CPED1: variants seen among roughly 807,000 people sequenced by gnomAD.
CPED1 encodes cadherin-like and PC-esterase domain-containing protein 1.
CPED1 carries 114 observed loss-of-function variants against 128.2 expected under a neutral mutation model. The observed-to-expected ratio is 0.89, with a 90% confidence interval of 0.76 to 1.04. CPED1 has a LOEUF of 1.04. CPED1 is among the 50% of genes least tolerant of loss of function. The pLI is 0.00. For synonymous variants in CPED1, 462 were observed against 426.7 expected (o/e 1.08, Z -1.02); for missense variants, 1,211 against 1,207.1 (o/e 1.00, Z -0.05).
intron 14 of CPED1, among the ~76,000 whole-genome samples, chr7:121,139,755 A>T (rs942125760): frequency 2.0e-5 from 3 of 152,230 alleles, no homozygotes; most frequent in Admixed American, 2.0e-4. Context: ...AAGCAGGGGA[A>T]AAAACAACAG....
At chr7:121,004,048 G>A (rs1270428037) in intron 2 of CPED1, among the ~76,000 whole-genome samples, 4 of 152,198 alleles carry the variant, frequency 2.6e-5, no homozygotes, top group Non-Finnish European at 5.9e-5. Flanking sequence ...GGGTTTGCCA[G>A]GTATGTGCCT....
At chr7:121,185,333 C>G (rs942029028) in intron 16 of CPED1, among the ~76,000 whole-genome samples, 1 of 151,968 alleles carries the variant, frequency 6.6e-6, no homozygotes, top group Non-Finnish European at 1.5e-5. Flanking sequence ...AGTAAATATA[C>G]CTATATATTT....
chr7:121,291,733 A>G (rs1278716245), intron 22 of CPED1, among the ~76,000 whole-genome samples: 2 of 152,200 alleles, frequency 1.3e-5, no homozygotes, highest in Admixed American at 1.3e-4. Context: ...AGATACACTC[A>G]TGTCATCAGC....
chr7:120,991,445 A>G (rs938329370), intron 2 of CPED1, among the ~76,000 whole-genome samples: 14 of 152,212 alleles, frequency 9.2e-5, no homozygotes, highest in African/African-American at 3.4e-4. Context: ...TGTTAAAGTC[A>G]TTTCTTGTTA....
At chr7:121,106,239 C>A (rs549259267) in intron 7 of CPED1, among the ~76,000 whole-genome samples, 14 of 151,792 alleles carry the variant, frequency 9.2e-5, no homozygotes, top group Non-Finnish European at 1.3e-4. Context: ...GCATATTTTC[C>A]CTTCTGAACT....
chr7:121,266,443 C>T lies in CPED1; in HGVS notation c.2527C>T (p.Gln843Ter). ...TFENALEHLL[Q>*]RSRPLENTGQ... ...TGAAAATGCACTTGAACACCTCTTGCAAAGGTACAATGAAACTATAATGAA... is the reference window on the plus strand; with the variant it reads ...TGAAAATGCACTTGAACACCTCTTGTAAAGGTACAATGAAACTATAATGAA... The change falls in exon 19 of 23, where the codon CAA becomes TAA. Residue 843 changes from glutamine to a stop codon, truncating the protein, a stop_gained. Coordinates refer to ENST00000310396, the MANE Select transcript of CPED1 (RefSeq NM_024913.5). LOFTEE classifies it high-confidence loss of function. The T allele has an allele frequency of 6.2e-7, 1 of 1,609,024 alleles. No individual in the cohort carries two copies. The highest frequency in any genetic ancestry group is 8.5e-7 in the Non-Finnish European group (1 of 1,175,812).
rs530980600 is a variant in CPED1, at chr7:121,047,715, C to CTTTTTT, written c.540+730_540+735dup. ...TCTTCTTCTTCTTCTTCTTCTTCTT[C>CTTTTTT]TTTTTTTTTTTTTGAGACGTAATCT... On this transcript the variant is annotated intron_variant, in intron 4 of 22. Transcript: ENST00000310396. Among the ~76,000 whole-genome samples, 5 of 76,064 alleles carry CTTTTTT rather than the reference C, an allele frequency of 6.6e-5. 1 individual carries two copies. Among genetic ancestry groups the CTTTTTT allele is most frequent in the African/African-American group, 2.9e-4 (5 of 17,324 alleles). 49.9% of individuals were successfully genotyped at this position (76,064 alleles called of 152,430 possible).
rs140183112 is a variant in CPED1 at position 121,176,216 on chromosome 7, A to AAAAC, written c.2055+34075_2055+34076insAAAC. 3.0e-3 allele frequency among the ~76,000 whole-genome samples: 279 copies of AAAAC among 93,028 alleles called. 24 individuals are homozygous for AAAAC. Among genetic ancestry groups the AAAAC allele is most frequent in the African/African-American group, 0.011 (244 of 22,318 alleles). The allele number at this position is 93,028 out of a possible 152,430, so 61.0% of individuals were successfully genotyped here. On this transcript the variant is annotated intron_variant, in intron 16 of 22. Coordinates refer to ENST00000310396, the MANE Select transcript of CPED1 (RefSeq NM_024913.5). Reference sequence around the variant, plus strand: ...TGGAAAAAAAAAAAAAAAAAAAAAAACACCTCTGGAAATAACTTGAATTGC... The same window carrying AAAAC: ...TGGAAAAAAAAAAAAAAAAAAAAAAAAAACCACCTCTGGAAATAACTTGAATTGC...
chr7:121,030,706 G>A (rs917244843), intron 3 of CPED1, among the ~76,000 whole-genome samples: 1 of 152,006 alleles, frequency 6.6e-6, no homozygotes, highest in Non-Finnish European at 1.5e-5. Flanking sequence ...ATCTCTTAAT[G>A]TGCCTAATTT....
At chr7:121,209,859 T>C (rs747013003) in intron 16 of CPED1, among the ~76,000 whole-genome samples, 19 of 151,890 alleles carry the variant, frequency 1.3e-4, no homozygotes, top group Non-Finnish European at 2.4e-4. Flanking sequence ...ATCCATTTGA[T>C]GAGGAATTAA....
intron 4 of CPED1, among the ~76,000 whole-genome samples, chr7:121,048,450 C>G (rs112174774): frequency 1.3e-5 from 2 of 152,050 alleles, no homozygotes; most frequent in African/African-American, 4.8e-5. Context: ...ACCCTTGAGC[C>G]CTTCCTTCCT....
At chr7:121,173,457 C>T (rs895513946) in intron 16 of CPED1, among the ~76,000 whole-genome samples, 2 of 152,084 alleles carry the variant, frequency 1.3e-5, no homozygotes, top group African/African-American at 4.8e-5. Context: ...TCTTTGTGTC[C>T]ATGAGTTCTC....
chr7:121,196,335 C>G (rs937289530), intron 16 of CPED1, among the ~76,000 whole-genome samples: 1 of 151,960 alleles, frequency 6.6e-6, no homozygotes, highest in Non-Finnish European at 1.5e-5. Context: ...GGCTGCTACT[C>G]AGTAAGCAAA....
intron 16 of CPED1, among the ~76,000 whole-genome samples, chr7:121,207,335 A>G (rs1196397861): frequency 1.3e-5 from 2 of 152,044 alleles, no homozygotes; most frequent in Non-Finnish European, 2.9e-5. Context: ...ACTGTAAGCA[A>G]TGTATAAGTG....
intron 12 of CPED1, among the ~76,000 whole-genome samples, chr7:121,133,567 C>G (rs1398465509): frequency 2.0e-5 from 3 of 151,980 alleles, no homozygotes; most frequent in Admixed American, 2.0e-4. Context: ...ATCTGAGATT[C>G]CTCAGATTTG....
chr7:121,145,219 T>C (rs978033504), intron 16 of CPED1, among the ~76,000 whole-genome samples: 7 of 152,092 alleles, frequency 4.6e-5, no homozygotes, highest in African/African-American at 1.7e-4. Context: ...GGGAAAGTTA[T>C]ATATTCCTTT....
At chr7:120,992,778 T>C (rs1796329534) in intron 2 of CPED1, among the ~76,000 whole-genome samples, 1 of 152,186 alleles carries the variant, frequency 6.6e-6, no homozygotes, top group Non-Finnish European at 1.5e-5. Context: ...TTCCCAGCCT[T>C]TTTTGTTGCA....
At chr7:121,286,086 G>A (rs1177236517) in intron 22 of CPED1, among the ~76,000 whole-genome samples, 2 of 152,172 alleles carry the variant, frequency 1.3e-5, no homozygotes, top group Non-Finnish European at 2.9e-5. Context: ...AAGCAAACAC[G>A]TCTTTCTTCA....
chr7:121,014,411 C>T lies in CPED1; in HGVS notation c.250-1254C>T, dbSNP rs537714148. Among the ~76,000 whole-genome samples, 381 of 151,884 alleles carry T rather than the reference C, an allele frequency of 2.5e-3. 1 individual carries two copies. The highest frequency in any genetic ancestry group is 4.4e-3 in the Non-Finnish European group (302 of 67,884). On this transcript the variant is annotated intron_variant, in intron 2 of 22. Coordinates refer to ENST00000310396, the MANE Select transcript of CPED1 (RefSeq NM_024913.5). ...ACTAAAAATACAAAAATTAGCCAGG[C>T]GTGGTGGCGGGTGCCTGTAGTCCCA...
Sources: allele counts gnomAD v4.1 joint callset (sites outside exome capture counted in the v4.1 genomes callset), GRCh38; gene constraint gnomAD v4.1.1; transcripts MANE v1.5; gene names NCBI Gene and HGNC (gene_info 2026-07-23, HGNC 2026-07-21).